The following PTPRE variants were observed in gnomAD, a reference collection of about 807,000 sequenced individuals.
The protein encoded by PTPRE is protein tyrosine phosphatase receptor type E.
Under a neutral mutation model 102.0 loss-of-function variants are expected in PTPRE, and 51 were observed. The ratio of observed to expected loss-of-function variants is 0.50; its 90% confidence interval spans 0.40 to 0.63. The LOEUF (loss-of-function observed/expected upper bound fraction) is 0.63, where lower values mean the gene tolerates loss of function less well. PTPRE is among the 30% of genes least tolerant of loss of function. PTPRE has a pLI of 0.00. For missense variants in PTPRE, 752 were observed against 915.1 expected (o/e 0.82, Z 2.30); for synonymous variants, 345 against 348.2 (o/e 0.99, Z 0.10).
In PTPRE at chr10:128,077,709, C is replaced by A. The variant is rs1197850256; in HGVS notation, c.1818C>A (p.Gly606=). 18 of 1,613,604 alleles carry A rather than the reference C, an allele frequency of 1.1e-5. No homozygotes were observed. The highest frequency in any genetic ancestry group is 1.5e-5 in the Non-Finnish European group (18 of 1,179,654). Residue 606 remains glycine, a synonymous_variant, in exon 19 of 21, where the codon GGC becomes GGA. Coordinates refer to ENST00000254667, the MANE Select transcript of PTPRE (RefSeq NM_006504.6). The part of the protein sequence containing the change: ...PEIGIPAEGK[G]MIDLIAAVQK... ...TCGGGATTCCCGCCGAGGGCAAAGG[C>A]ATGATTGACCTCATCGCAGCCGTGC...
At chr10:127,909,547 C>T (rs1390832126) in intron 1 of PTPRE, among the ~76,000 whole-genome samples, 4 of 152,210 alleles carry the variant, frequency 2.6e-5, no homozygotes, top group African/African-American at 9.7e-5. Context: ...ATCAAATGCC[C>T]CTTGACTCAA....
intron 1 of PTPRE, among the ~76,000 whole-genome samples, chr10:127,976,354 C>T (rs748197037): frequency 6.6e-6 from 1 of 152,156 alleles, no homozygotes; most frequent in Non-Finnish European, 1.5e-5. Context: ...AGCAGACACT[C>T]GTACTTGCAA....
chr10:128,056,067 A>G, intron 6 of PTPRE, 56 bp from the exon 7 acceptor site: 2 of 1,366,556 alleles, frequency 1.5e-6, no homozygotes, highest in Admixed American at 3.5e-5. Flanking sequence ...GGAAACTGAC[A>G]TGAGCATGGT....
At position 128,047,025 on chromosome 10, in the gene PTPRE, C is replaced by T. The variant is rs530839747; in HGVS notation, c.110-365C>T. 2.0e-4 allele frequency among the ~76,000 whole-genome samples: 31 copies of T among 152,352 alleles called. No homozygotes were observed. The South Asian group carries it at 6.4e-3, about 32-fold the overall frequency. Reference sequence around the variant, plus strand: ...AAGAGCTGAGCTACGCCGAGTCAGCCTCCCGCGCTGTCCTAGGACCCTGCA... The same window carrying T: ...AAGAGCTGAGCTACGCCGAGTCAGCTTCCCGCGCTGTCCTAGGACCCTGCA... On this transcript the variant is annotated intron_variant, in intron 3 of 20. Transcript: ENST00000254667.
Position 127,955,286 on chromosome 10 carries a change from GTACATACA to G in PTPRE, c.-30-26957_-30-26950del, listed in dbSNP as rs59251219. Among the ~76,000 whole-genome samples the G allele has an allele frequency of 3.4e-3, 505 of 150,002 alleles. 1 individual carries two copies. Among genetic ancestry groups the G allele is most frequent in the African/African-American group, 8.7e-3 (353 of 40,642 alleles). On this transcript the variant is annotated intron_variant, in intron 1 of 20. Transcript: ENST00000254667. ...TATGATGCAGAGAATAAATACATGT[GTACATACA>G]TACATACATACATACATACATACAT...
chr10:128,046,669 G>A (rs1181562830), intron 3 of PTPRE, among the ~76,000 whole-genome samples: 1 of 152,146 alleles, frequency 6.6e-6, no homozygotes, highest in Non-Finnish European at 1.5e-5. Context: ...CGTTGGGAGA[G>A]TGGGTGGGGT....
At position 128,040,879 on chromosome 10, in the gene PTPRE, A is replaced by G. The variant is rs775791967; in HGVS notation, c.-3A>G. On this transcript the variant is annotated 5_prime_UTR_variant, in exon 3 of 21. Coordinates refer to ENST00000254667, the MANE Select transcript of PTPRE (RefSeq NM_006504.6). ...CCTGTCCCTGCCTCTCTGCAGGTCC[A>G]CCATGGAGCCCTTGTGTCCACTCCT... 6.2e-7 allele frequency: 1 copy of G among 1,613,698 alleles called. No homozygotes were observed. The highest frequency in any genetic ancestry group is 1.1e-5 in the South Asian group (1 of 91,006).
chr10:127,920,079 C>T (rs904755326), intron 1 of PTPRE, among the ~76,000 whole-genome samples: 8 of 152,180 alleles, frequency 5.3e-5, no homozygotes, highest in African/African-American at 1.9e-4. Flanking sequence ...CATGCTCTCT[C>T]AGGGTAACTG....
At chr10:128,027,267 G>A (rs1410495032) in intron 2 of PTPRE, among the ~76,000 whole-genome samples, 1 of 152,234 alleles carries the variant, frequency 6.6e-6, no homozygotes, top group East Asian at 1.9e-4. Context: ...TGTGCTTCCT[G>A]CAGTGAGAGG....
At chr10:127,952,784 G>A (rs1298129536) in intron 1 of PTPRE, among the ~76,000 whole-genome samples, 1 of 152,146 alleles carries the variant, frequency 6.6e-6, no homozygotes, top group African/African-American at 2.4e-5. Flanking sequence ...GGGTCTCTGA[G>A]TCCATTCTTT....
At chr10:127,925,899 C>G (rs1846972008) in intron 1 of PTPRE, among the ~76,000 whole-genome samples, 1 of 152,198 alleles carries the variant, frequency 6.6e-6, no homozygotes, top group Admixed American at 6.5e-5. Flanking sequence ...GTTACCCTGT[C>G]TATACTGAGC....
chr10:128,015,504 C>A (rs1489144253), intron 2 of PTPRE, among the ~76,000 whole-genome samples: 2 of 152,034 alleles, frequency 1.3e-5, no homozygotes, highest in Non-Finnish European at 2.9e-5. Context: ...GTAGCTGGGA[C>A]TACAGGCACC....
intron 17 of PTPRE, among the ~76,000 whole-genome samples, chr10:128,074,812 C>T (rs1851094250): frequency 6.6e-6 from 1 of 152,176 alleles, no homozygotes; most frequent in African/African-American, 2.4e-5. Context: ...CATAAACTTA[C>T]TGTTTAACAT....
intron 1 of PTPRE, among the ~76,000 whole-genome samples, chr10:127,925,107 G>A (rs1406866606): frequency 2.0e-5 from 3 of 152,210 alleles, no homozygotes; most frequent in Admixed American, 1.3e-4. Context: ...GGCTTGGGCT[G>A]GAAGATCCAC....
intron 2 of PTPRE, among the ~76,000 whole-genome samples, chr10:127,994,832 G>A (rs1853086832): frequency 6.6e-6 from 1 of 152,144 alleles, no homozygotes. Flanking sequence ...CCCAAACTGG[G>A]CCAAGACTGC....
chr10:128,058,921 G>A (rs1849257297), intron 7 of PTPRE, among the ~76,000 whole-genome samples: 2 of 152,206 alleles, frequency 1.3e-5, no homozygotes, highest in African/African-American at 4.8e-5. Context: ...TGGGGTCAGA[G>A]GTCAAGGTGC....
At position 128,084,120 on chromosome 10, in the gene PTPRE, C is replaced by A. The variant is rs1851926757; in HGVS notation, c.*1214C>A. ...TGGATAACAGTAATGATCCCATTAC[C>A]AGATAAGATTGACTGACGGGGAAAA... On this transcript the variant is annotated 3_prime_UTR_variant, in exon 21 of 21. Transcript: ENST00000254667. 6.9e-6 allele frequency: 1 copy of A among 145,806 alleles called. No homozygotes were observed. The highest frequency in any genetic ancestry group is 1.5e-5 in the Non-Finnish European group (1 of 67,234). 9.0% of individuals were successfully genotyped at this position (145,806 alleles called of 1,614,324 possible).
chr10:128,036,642 G>A (rs74159142), intron 2 of PTPRE, among the ~76,000 whole-genome samples: 1,599 of 151,988 alleles, frequency 0.011, 40 homozygotes, highest in African/African-American at 0.036. Context: ...TGGAAACCCC[G>A]ATACCTTTGT....
chr10:128,002,555 C>G (rs775899631), intron 2 of PTPRE, among the ~76,000 whole-genome samples: 33 of 152,140 alleles, frequency 2.2e-4, no homozygotes, highest in Non-Finnish European at 3.7e-4. Flanking sequence ...GGGCCAGGGC[C>G]TGCTCCTGGC....
Sources: gnomAD v4.1 joint callset for allele counts (sites outside exome capture counted in the v4.1 genomes callset) on GRCh38, gnomAD v4.1.1 for gene constraint, MANE v1.5 for transcripts, NCBI Gene and HGNC (gene_info 2026-07-23, HGNC 2026-07-21) for gene names.